The following MTUS2 variants were observed in gnomAD, a reference collection of about 807,000 sequenced individuals.
The protein encoded by MTUS2 is microtubule-associated tumor suppressor candidate 2.
In MTUS2, 40 loss-of-function variants were observed where a neutral mutation model predicts 114.1. The observed-to-expected ratio is 0.35, with a 90% CI of 0.27 to 0.46. The LOEUF is 0.46. MTUS2 is among the 20% of genes least tolerant of loss of function. The pLI is 1.00. For missense variants in MTUS2, 1,679 were observed against 1,705.4 expected (o/e 0.98, Z 0.27); for synonymous variants, 688 against 672.0 (o/e 1.02, Z -0.37).
intron 2 of MTUS2, among the ~76,000 whole-genome samples, chr13:28,972,333 A>T (rs568976677): frequency 2.0e-5 from 3 of 152,236 alleles, no homozygotes; most frequent in Non-Finnish European, 2.9e-5. Context: ...TGCAGAAAAC[A>T]GTCAGCATTA....
intron 2 of MTUS2, among the ~76,000 whole-genome samples, chr13:29,002,611 A>T (rs961428091): frequency 6.6e-6 from 1 of 152,236 alleles, no homozygotes; most frequent in African/African-American, 2.4e-5. Context: ...GCTTTCATAC[A>T]GTCATATTTG....
intron 2 of MTUS2, among the ~76,000 whole-genome samples, chr13:29,001,730 C>T (rs1190937613): frequency 6.6e-6 from 1 of 152,096 alleles, no homozygotes; most frequent in Non-Finnish European, 1.5e-5. Context: ...GGACTTTGCA[C>T]ATGTGATTAA....
rs909574927 is a variant in MTUS2, at chr13:28,907,026, G to A, written c.-243+67176G>A. 2.0e-5 allele frequency among the ~76,000 whole-genome samples: 3 copies of A among 151,682 alleles called. No homozygotes were observed. In the East Asian group the frequency reaches 5.8e-4, roughly 29 times the overall value. On this transcript the variant is annotated intron_variant, in intron 2 of 15. Transcript: ENST00000612955. ...AGAAAGGTCGGGTTACCCACAAAGG[G>A]AAGCCCATCAGGCTAACAGCAGATC...
chr13:29,173,365 G>C (rs1407062700), intron 5 of MTUS2, among the ~76,000 whole-genome samples: 2 of 152,060 alleles, frequency 1.3e-5, no homozygotes, highest in African/African-American at 4.8e-5. Flanking sequence ...AGTCCATTTT[G>C]TTTTCTCTTT....
chr13:29,448,189 C>G (rs773646899), intron 9 of MTUS2, among the ~76,000 whole-genome samples: 2 of 152,176 alleles, frequency 1.3e-5, no homozygotes, highest in Non-Finnish European at 2.9e-5. Flanking sequence ...CTCCACCAGA[C>G]AGAAAACATG....
At chr13:29,469,713 G>A (rs1216647031) in intron 9 of MTUS2, among the ~76,000 whole-genome samples, 7 of 151,362 alleles carry the variant, frequency 4.6e-5, no homozygotes, top group East Asian at 1.9e-4. Flanking sequence ...AGGCCAAAGC[G>A]GGAGGATCGT....
At chr13:29,206,434 T>C (rs947110621) in intron 5 of MTUS2, among the ~76,000 whole-genome samples, 10 of 152,202 alleles carry the variant, frequency 6.6e-5, no homozygotes, top group African/African-American at 2.4e-4. Context: ...TATTTATCTC[T>C]GTTTTTCTTG....
intron 5 of MTUS2, among the ~76,000 whole-genome samples, chr13:29,193,038 A>G (rs752528415): frequency 3.3e-5 from 5 of 152,218 alleles, no homozygotes; most frequent in Non-Finnish European, 5.9e-5. Flanking sequence ...GGGGAGACTG[A>G]GTCAATATCA....
At position 29,033,956 on chromosome 13, in the gene MTUS2, C is replaced by G. The variant is rs752988515; in HGVS notation, c.2277C>G (p.Phe759Leu). 67 of 1,613,890 alleles carry G rather than the reference C, an allele frequency of 4.2e-5. No individual in the cohort carries two copies. The highest frequency in any genetic ancestry group is 5.3e-5 in the Non-Finnish European group (62 of 1,179,896). The change falls in exon 4 of 16, where the codon TTC (phenylalanine) becomes TTG (leucine). Residue 759 changes from phenylalanine to leucine, a missense_variant. Phe to Leu is a conservative substitution (Grantham distance 22, BLOSUM62 0). Coordinates refer to ENST00000612955, the MANE Select transcript of MTUS2 (RefSeq NM_001033602.4). ...PYAHYEVPPTFYRSAMLLKPQ... is the reference protein window; with the variant it reads ...PYAHYEVPPTLYRSAMLLKPQ... The stretch of plus-strand genomic sequence containing the variant: ...CTCATTATGAAGTCCCTCCAACTTT[C>G]TATCGGTCAGCCATGCTCCTTAAGC...
intron 2 of MTUS2, among the ~76,000 whole-genome samples, chr13:28,995,035 T>C (rs2138353854): frequency 6.6e-6 from 1 of 152,340 alleles, no homozygotes; most frequent in Middle Eastern, 3.4e-3. Context: ...TGGTTTTAGG[T>C]CTAACATGTA....
At chr13:29,452,574 A>ATGTGTGTG (rs56367128) in intron 9 of MTUS2, among the ~76,000 whole-genome samples, 8 of 130,310 alleles carry the variant, frequency 6.1e-5, no homozygotes, top group African/African-American at 2.1e-4. Context: ...ATATATATAT[A>ATGTGTGTG]TGTGTGTGTG....
In MTUS2 at chr13:29,025,316, G is replaced by T. The variant is rs1337781027; in HGVS notation, c.618G>T (p.Arg206=). The T allele has an allele frequency of 3.1e-6, 5 of 1,613,774 alleles. No homozygotes were observed. The highest frequency in any genetic ancestry group is 1.7e-5 in the Admixed American group (1 of 59,998). The part of the protein sequence containing the change: ...QPLSLDSREA[R]GQIPGGGEGP... The stretch of plus-strand genomic sequence containing the variant: ...TATCCCTCGACTCCCGGGAAGCACG[G>T]GGTCAGATACCTGGGGGTGGGGAGG... Residue 206 remains arginine (R), a synonymous_variant, in exon 3 of 16, where the codon CGG becomes CGT. Transcript: ENST00000612955.
At chr13:28,895,584 T>A (rs1156501178) in intron 2 of MTUS2, among the ~76,000 whole-genome samples, 1 of 152,158 alleles carries the variant, frequency 6.6e-6, no homozygotes, top group Admixed American at 6.6e-5. Context: ...TAGTATATAA[T>A]CTTTGGAAAA....
At chr13:28,906,361 G>A (rs1428697967) in intron 2 of MTUS2, among the ~76,000 whole-genome samples, 3 of 150,640 alleles carry the variant, frequency 2.0e-5, no homozygotes, top group Non-Finnish European at 4.4e-5. Flanking sequence ...TGTCAATTTT[G>A]GATCTTTCCT....
At chr13:29,208,833 C>T (rs1320215046) in intron 5 of MTUS2, among the ~76,000 whole-genome samples, 1 of 152,026 alleles carries the variant, frequency 6.6e-6, no homozygotes, top group Non-Finnish European at 1.5e-5. Flanking sequence ...TTTATTGAGA[C>T]TTCTTTTGTG....
At chr13:29,143,416 C>G (rs1165007436) in intron 5 of MTUS2, among the ~76,000 whole-genome samples, 2 of 152,124 alleles carry the variant, frequency 1.3e-5, no homozygotes, top group East Asian at 3.8e-4. Flanking sequence ...CAAATAAAAA[C>G]CTTGCTCCAA....
intron 5 of MTUS2, among the ~76,000 whole-genome samples, chr13:29,213,671 G>A (rs1241248938): frequency 6.6e-6 from 1 of 152,010 alleles, no homozygotes; most frequent in Non-Finnish European, 1.5e-5. Context: ...CTTAGTTTCA[G>A]CATGGAATAA....
intron 7 of MTUS2, among the ~76,000 whole-genome samples, chr13:29,356,913 G>A (rs1436428870): frequency 1.3e-5 from 2 of 152,154 alleles, no homozygotes; most frequent in Non-Finnish European, 2.9e-5. Context: ...GTCACAGAGC[G>A]GCTAAACTTT....
At chr13:29,311,755 C>G (rs1325295697) in intron 6 of MTUS2, among the ~76,000 whole-genome samples, 1 of 152,146 alleles carries the variant, frequency 6.6e-6, no homozygotes, top group African/African-American at 2.4e-5. Flanking sequence ...TCAGTGGCAA[C>G]TTCAATCACA....
Sources: allele counts gnomAD v4.1 joint callset (sites outside exome capture counted in the v4.1 genomes callset), GRCh38; gene constraint gnomAD v4.1.1; transcripts MANE v1.5; gene names NCBI Gene and HGNC (gene_info 2026-07-23, HGNC 2026-07-21).